The following IQCM variants were observed in gnomAD, a reference collection of about 807,000 sequenced individuals.
IQCM encodes the protein IQ motif containing M.
A neutral mutation model predicts 57.6 loss-of-function variants in IQCM; 45 were observed. The observed-to-expected ratio is 0.78, with a 90% CI of 0.62 to 1.00. The LOEUF is 1.00. IQCM is among the 50% of genes least tolerant of loss of function. The probability of loss-of-function intolerance (pLI) is 0.00; values close to 1 mark genes in which losing one functional copy is unlikely to be tolerated. For synonymous variants in IQCM, 148 were observed against 158.9 expected (o/e 0.93, Z 0.51); for missense variants, 468 against 511.6 (o/e 0.91, Z 0.82).
intron 8 of IQCM, among the ~76,000 whole-genome samples, chr4:149,596,165 T>C (rs1753755178): frequency 6.6e-6 from 1 of 152,156 alleles, no homozygotes; most frequent in Admixed American, 6.6e-5. Flanking sequence ...TAGGGAGCTT[T>C]GCATCCCAAT....
chr4:149,386,656 A>C (rs1731448510), intron 13 of IQCM, among the ~76,000 whole-genome samples: 2 of 152,052 alleles, frequency 1.3e-5, no homozygotes, highest in Admixed American at 1.3e-4. Flanking sequence ...CAGGATCCAA[A>C]CAAGGTCCAC....
intron 13 of IQCM, among the ~76,000 whole-genome samples, chr4:149,391,653 C>T (rs963442168): frequency 2.3e-4 from 35 of 151,838 alleles, no homozygotes; most frequent in Non-Finnish European, 4.0e-4. Flanking sequence ...CTAAGCACTG[C>T]TTTAAGTTTC....
intron 5 of IQCM, among the ~76,000 whole-genome samples, chr4:149,707,536 C>A (rs772014948): frequency 6.6e-6 from 1 of 151,910 alleles, no homozygotes; most frequent in Non-Finnish European, 1.5e-5. Flanking sequence ...AATGAAGTAA[C>A]ATCTCTCCCT....
chr4:149,373,788 A>G (rs1478529790), intron 13 of IQCM, among the ~76,000 whole-genome samples: 1 of 152,102 alleles, frequency 6.6e-6, no homozygotes, highest in African/African-American at 2.4e-5. Context: ...GCCATCTTTT[A>G]GATCTAGAAC....
intron 12 of IQCM, among the ~76,000 whole-genome samples, chr4:149,518,148 A>G (rs1463335787): frequency 2.0e-5 from 3 of 152,184 alleles, no homozygotes; most frequent in Non-Finnish European, 4.4e-5. Flanking sequence ...TGAAAAAAGT[A>G]CATTTCACCT....
intron 13 of IQCM, among the ~76,000 whole-genome samples, chr4:149,424,244 T>C (rs1734314817): frequency 6.6e-6 from 1 of 151,890 alleles, no homozygotes; most frequent in African/African-American, 2.4e-5. Context: ...CATAATAAAA[T>C]GGCCTCATTT....
intron 13 of IQCM, among the ~76,000 whole-genome samples, chr4:149,355,421 G>T (rs549564524): frequency 1.7e-5 from 2 of 119,366 alleles, no homozygotes; most frequent in South Asian, 5.3e-4. Flanking sequence ...AGGCCCCAGC[G>T]TGTGATGTTC....
chr4:149,403,152 T>G (rs1465187203), intron 13 of IQCM, among the ~76,000 whole-genome samples: 2 of 152,010 alleles, frequency 1.3e-5, no homozygotes, highest in Non-Finnish European at 2.9e-5. Context: ...TAAGACTGAA[T>G]TTAGCTGGTG....
intron 2 of IQCM, among the ~76,000 whole-genome samples, chr4:149,761,450 T>C (rs995339536): frequency 2.0e-4 from 30 of 152,066 alleles, no homozygotes; most frequent in African/African-American, 7.0e-4. Context: ...TTCTCCAATA[T>C]TGATTTTCTT....
chr4:149,759,481 T>C (rs1769295360), intron 2 of IQCM, among the ~76,000 whole-genome samples: 1 of 152,090 alleles, frequency 6.6e-6, no homozygotes, highest in Non-Finnish European at 1.5e-5. Context: ...ATGTCAATAA[T>C]AGGGGAGACT....
At chr4:149,721,639 CTGAG>C (rs1253505144) in intron 5 of IQCM, among the ~76,000 whole-genome samples, 2 of 152,130 alleles carry the variant, frequency 1.3e-5, no homozygotes, top group African/African-American at 2.4e-5. Flanking sequence ...TTTTATATGG[CTGAG>C]TAATATTTCA....
intron 13 of IQCM, among the ~76,000 whole-genome samples, chr4:149,413,484 G>C (rs1016172862): frequency 2.0e-5 from 3 of 152,064 alleles, no homozygotes; most frequent in Non-Finnish European, 4.4e-5. Context: ...TGGCTGCTCA[G>C]AACCACACAC....
chr4:149,386,497 AT>A (rs1731436378), intron 13 of IQCM, among the ~76,000 whole-genome samples: 1 of 152,090 alleles, frequency 6.6e-6, no homozygotes, highest in Non-Finnish European at 1.5e-5. Flanking sequence ...TTTAAAAGGT[AT>A]ACTTTTAAAA....
In IQCM at chr4:149,771,744, AAC is replaced by A. The variant is rs549772325; in HGVS notation, c.-48-29007_-48-29006del. Reference sequence around the variant, plus strand: ...CCATGTGTCTTTACATTCATTCATAAACAGATTCTGATGAATAAGAAAGCATA... The same window carrying A: ...CCATGTGTCTTTACATTCATTCATAAAGATTCTGATGAATAAGAAAGCATA... On this transcript the variant is annotated intron_variant, in intron 2 of 13. Coordinates refer to ENST00000636793, the MANE Select transcript of IQCM (RefSeq NM_001363507.2). Among the ~76,000 whole-genome samples, 6 of 152,196 alleles carry A rather than the reference AAC, an allele frequency of 3.9e-5. No homozygotes were observed. In the South Asian group the frequency reaches 1.2e-3, roughly 32 times the overall value.
chr4:149,411,339 A>G (rs1179107863), intron 13 of IQCM, among the ~76,000 whole-genome samples: 1 of 152,098 alleles, frequency 6.6e-6, no homozygotes, highest in Non-Finnish European at 1.5e-5. Flanking sequence ...ATATGTTTGT[A>G]TTTTTACACA....
At chr4:149,382,561 C>A (rs1731150651) in intron 13 of IQCM, among the ~76,000 whole-genome samples, 1 of 151,784 alleles carries the variant, frequency 6.6e-6, no homozygotes, top group Non-Finnish European at 1.5e-5. Context: ...TCTCTAGTAG[C>A]AGAATAAGTA....
rs990685067 is a variant in IQCM, at chr4:149,445,846, T to C, written c.1229-12289A>G. On this transcript the variant is annotated intron_variant, in intron 12 of 13. Coordinates refer to ENST00000636793, the MANE Select transcript of IQCM (RefSeq NM_001363507.2). ...TGAAAATAAAAAAGGAATATCATTT[T>C]TTCCCTGAGAAATACAGCTGCCCAT... Among the ~76,000 whole-genome samples, 3 of 151,810 alleles carry C rather than the reference T, an allele frequency of 2.0e-5. No individual in the cohort carries two copies. In the Admixed American group the frequency reaches 2.0e-4, roughly 10 times the overall value.
intron 12 of IQCM, among the ~76,000 whole-genome samples, chr4:149,511,568 T>C (rs971040327): frequency 2.1e-5 from 3 of 140,630 alleles, no homozygotes; most frequent in African/African-American, 7.8e-5. Context: ...AATAAATAAA[T>C]AAATATTAAA....
At chr4:149,365,184 C>T (rs1331374949) in intron 13 of IQCM, among the ~76,000 whole-genome samples, 2 of 151,962 alleles carry the variant, frequency 1.3e-5, no homozygotes, top group African/African-American at 2.4e-5. Context: ...CAATACAAGA[C>T]GTGCCTGCAG....
Sources: allele counts gnomAD v4.1 joint callset (sites outside exome capture counted in the v4.1 genomes callset), GRCh38; gene constraint gnomAD v4.1.1; transcripts MANE v1.5; gene names NCBI Gene and HGNC (gene_info 2026-07-23, HGNC 2026-07-21).